The following ORC2 variants were observed in gnomAD, a reference collection of about 807,000 sequenced individuals.
The protein encoded by ORC2 is origin recognition complex protein 2 homolog.
In ORC2, 37 loss-of-function variants were observed where a neutral mutation model predicts 77.7. The ratio of observed to expected loss-of-function variants is 0.48; its 90% CI spans 0.37 to 0.63. ORC2 has a LOEUF of 0.63. ORC2 is among the 20% of genes least tolerant of loss of function. The probability of loss-of-function intolerance (pLI) is 0.00; values close to 1 mark genes in which losing one functional copy is unlikely to be tolerated. For missense variants in ORC2, 557 were observed against 661.9 expected (o/e 0.84, Z 1.74); for synonymous variants, 201 against 229.5 (o/e 0.88, Z 1.12).
chr2:200,944,194 G>A (rs1159702453), intron 5 of ORC2, among the ~76,000 whole-genome samples: 1 of 151,734 alleles, frequency 6.6e-6, no homozygotes, highest in Non-Finnish European at 1.5e-5. Context: ...TTTTTTTTGA[G>A]ATAGAGTCTT....
At chr2:200,923,475 C>G (rs2040791623) in intron 13 of ORC2, among the ~76,000 whole-genome samples, 1 of 152,218 alleles carries the variant, frequency 6.6e-6, no homozygotes, top group East Asian at 1.9e-4. Context: ...GTCTCAAACT[C>G]CTAACCTCAA....
chr2:200,918,946 C>T (rs377420802), intron 15 of ORC2, among the ~76,000 whole-genome samples: 140 of 152,310 alleles, frequency 9.2e-4, no homozygotes, highest in African/African-American at 3.0e-3. Flanking sequence ...TCTCGGCTCC[C>T]TTCAGCCTCC....
In ORC2 at chr2:200,921,002, C is replaced by A; in HGVS notation, c.1285G>T (p.Ala429Ser). The A allele has an allele frequency of 6.3e-7, 1 of 1,585,852 alleles. No individual in the cohort carries two copies. The highest frequency in any genetic ancestry group is 8.6e-7 in the Non-Finnish European group (1 of 1,165,282). ...GTAACAATTAACTTACTGAGAGGAG[C>A]ATTGAGGTGGTCAATGGATGCTATA... ...YLIASIDHLNAPLMWDHAKQS... is the reference protein window; with the variant it reads ...YLIASIDHLNSPLMWDHAKQS... Residue 429 changes from alanine (A) to serine (S), a missense_variant, in exon 14 of 18, where the codon GCT becomes TCT. Coordinates refer to ENST00000234296, the MANE Select transcript of ORC2 (RefSeq NM_006190.5).
At chr2:200,937,360 A>C (rs1397835555) in intron 8 of ORC2, among the ~76,000 whole-genome samples, 1 of 152,206 alleles carries the variant, frequency 6.6e-6, no homozygotes, top group Non-Finnish European at 1.5e-5. Context: ...CAGTTTTAAC[A>C]ACTCTATGAA....
In ORC2 at chr2:200,916,433, C is replaced by T. The variant is rs143208589; in HGVS notation, c.1467-2441G>A. On this transcript the variant is annotated intron_variant, in intron 15 of 17. Transcript: ENST00000234296. The stretch of plus-strand genomic sequence containing the variant: ...CCCAGAGAGGGAGGTTGCAGTGAGC[C>T]GAGATCTTGCCACTGCACTCCAGCC... Among the ~76,000 whole-genome samples the T allele has an allele frequency of 3.6e-3, 544 of 151,754 alleles. 4 individuals are homozygous for T. Among genetic ancestry groups the T allele is most frequent in the African/African-American group, 0.013 (520 of 41,410 alleles).
chr2:200,931,348 A>C lies in ORC2; in HGVS notation c.908T>G (p.Leu303Arg). 1 of 1,352,918 alleles carries C rather than the reference A, an allele frequency of 7.4e-7. No individual in the cohort carries two copies. The highest frequency in any genetic ancestry group is 1.0e-6 in the Non-Finnish European group (1 of 985,738). 83.8% of individuals were successfully genotyped at this position (1,352,918 alleles called of 1,614,324 possible). ...QYEKLFHKWM[L>R]QLHLGFNIVL... ...TAATGATAATACTTACTGTAATTGC[A>C]GCATCCATTTATGAAATAATTTTTC... is the stretch of plus-strand genomic sequence containing the variant. Residue 303 changes from leucine (L) to arginine (R), a missense_variant, in exon 11 of 18, where the codon CTG (leucine) becomes CGG (arginine). By Grantham distance (102) the Leu-to-Arg change is moderately radical (BLOSUM62 -2). Transcript: ENST00000234296.
chr2:200,961,123 A>G (rs1443820230), intron 1 of ORC2, among the ~76,000 whole-genome samples: 2 of 152,070 alleles, frequency 1.3e-5, no homozygotes, highest in East Asian at 3.9e-4. Flanking sequence ...CTCTCCTGCC[A>G]TCAAATAAAA....
At chr2:200,958,274 G>A (rs1003634496) in intron 2 of ORC2, 141 bp from the exon 3 acceptor site, 4 of 515,298 alleles carry the variant, frequency 7.8e-6, no homozygotes, top group African/African-American at 5.7e-5. Context: ...ATGCATTACT[G>A]TATTACTACA....
In ORC2 at chr2:200,937,969, G is replaced by A. The variant is rs1426033797; in HGVS notation, c.454-3C>T. 1.9e-6 allele frequency: 3 copies of A among 1,583,052 alleles called. No homozygotes were observed. The highest frequency in any genetic ancestry group is 8.6e-7 in the Non-Finnish European group (1 of 1,156,874). ...AGAAATTCACTTTTGTCATTGTTCTGTTTAGAAATAGAAAAAGCATTAAAT... is the reference window on the plus strand; with the variant it reads ...AGAAATTCACTTTTGTCATTGTTCTATTTAGAAATAGAAAAAGCATTAAAT... On this transcript the variant is annotated splice_polypyrimidine_tract_variant and splice_region_variant and intron_variant, in intron 7 of 17. Transcript: ENST00000234296.
intron 12 of ORC2, among the ~76,000 whole-genome samples, chr2:200,926,348 C>G (rs1020220039): frequency 2.0e-5 from 3 of 152,152 alleles, no homozygotes; most frequent in African/African-American, 7.2e-5. Context: ...AGATATTAAG[C>G]ATTTGAAATA....
intron 11 of ORC2, among the ~76,000 whole-genome samples, chr2:200,930,687 G>A (rs1201649755): frequency 6.6e-6 from 1 of 151,944 alleles, no homozygotes; most frequent in African/African-American, 2.4e-5. Context: ...TCACATTAGT[G>A]TACATTTTAA....
At chr2:200,931,085 G>A (rs1280317568) in intron 11 of ORC2, among the ~76,000 whole-genome samples, 1 of 151,886 alleles carries the variant, frequency 6.6e-6, no homozygotes, top group East Asian at 1.9e-4. Context: ...TCTAAGAAAT[G>A]CTATTTATCT....
chr2:200,927,647 G>A (rs1042568891), intron 11 of ORC2, among the ~76,000 whole-genome samples: 5 of 147,292 alleles, frequency 3.4e-5, no homozygotes, highest in East Asian at 2.2e-4. Context: ...CCGAGATCCC[G>A]CCACTGCACT....
At chr2:200,939,471 C>G (rs1056516244) in intron 7 of ORC2, among the ~76,000 whole-genome samples, 1 of 152,150 alleles carries the variant, frequency 6.6e-6, no homozygotes, top group Admixed American at 6.5e-5. Context: ...AAACTGTTCT[C>G]CCTATCAGGA....
intron 5 of ORC2, chr2:200,943,134 C>A (rs1469581015): frequency 6.3e-6 from 1 of 158,642 alleles, no homozygotes; most frequent in African/African-American, 2.4e-5. Flanking sequence ...GAAAGAAGGG[C>A]CAGAAAGTGA....
At chr2:200,944,245 C>T (rs1291300572) in intron 5 of ORC2, among the ~76,000 whole-genome samples, 1 of 152,066 alleles carries the variant, frequency 6.6e-6, no homozygotes, top group Non-Finnish European at 1.5e-5. Context: ...GCGATCTCAG[C>T]TCACTGCACC....
intron 11 of ORC2, among the ~76,000 whole-genome samples, chr2:200,927,925 TG>T (rs1461306341): frequency 6.6e-6 from 1 of 151,210 alleles, no homozygotes; most frequent in African/African-American, 2.4e-5. Context: ...TGACCTCAGG[TG>T]ATGTGCCTGC....
In ORC2 at chr2:200,920,977, G is replaced by A; in HGVS notation, c.1294+16C>T. The A allele has an allele frequency of 7.3e-6, 11 of 1,504,898 alleles. No homozygotes were observed. The Middle Eastern group carries it at 7.1e-4, about 97-fold the overall frequency. 93.2% of individuals were successfully genotyped at this position (1,504,898 alleles called of 1,614,324 possible). A position where few individuals can be genotyped will look rare whatever the true frequency, so the allele number is the denominator to read the frequency against. On this transcript the variant is annotated intron_variant, in intron 14 of 17. Coordinates refer to ENST00000234296, the MANE Select transcript of ORC2 (RefSeq NM_006190.5). ...ACTGATATCTCTAGAAGGAAAAATA[G>A]TAACAATTAACTTACTGAGAGGAGC...
Position 200,936,422 on chromosome 2 carries a change from T to G in ORC2, c.515-530A>C, listed in dbSNP as rs559078894. Among the ~76,000 whole-genome samples the G allele has an allele frequency of 3.3e-5, 5 of 152,316 alleles. No individual in the cohort carries two copies. In the East Asian group the frequency reaches 9.6e-4, roughly 29 times the overall value. The stretch of plus-strand genomic sequence containing the variant: ...TCAATTACGGAAGAAAAGCCCCTAT[T>G]TATACCCATCGTTTAAAGCTATGAA... On this transcript the variant is annotated intron_variant, in intron 8 of 17. Transcript: ENST00000234296.
Sources: allele counts gnomAD v4.1 joint callset (sites outside exome capture counted in the v4.1 genomes callset), GRCh38; gene constraint gnomAD v4.1.1; transcripts MANE v1.5; gene names NCBI Gene and HGNC (gene_info 2026-07-23, HGNC 2026-07-21).